LRP1B: variants seen among roughly 807,000 people sequenced by gnomAD.
LRP1B encodes low-density lipoprotein receptor-related protein 1B.
In LRP1B, 217 loss-of-function variants were observed where a neutral mutation model predicts 556.6. The observed-to-expected ratio is 0.39, with a 90% CI of 0.35 to 0.44. The LOEUF (loss-of-function observed/expected upper bound fraction) is 0.44. LRP1B is among the 20% of genes least tolerant of loss of function. The pLI is 1.00. For missense variants in LRP1B, 5,053 were observed against 5,620.8 expected, an observed-to-expected ratio of 0.90 and a Z score of 3.23; for synonymous variants, 2,047 against 1,865.8, an observed-to-expected ratio of 1.10 and a Z score of -2.50.
At chr2:140,464,045 A>T (rs193230882) in intron 60 of LRP1B, among the ~76,000 whole-genome samples, 1 of 151,900 alleles carries the variant, frequency 6.6e-6, no homozygotes, top group African/African-American at 2.4e-5. Flanking sequence ...AAAATACAAA[A>T]ATTAGCCAGG....
Position 140,923,009 on chromosome 2 carries a change from A to T in LRP1B, c.3275T>A (p.Ile1092Lys), listed in dbSNP as rs554321569. The T allele has an allele frequency of 1.2e-6, 2 of 1,613,142 alleles. No individual in the cohort carries two copies. The highest frequency in any genetic ancestry group is 1.7e-6 in the Non-Finnish European group (2 of 1,179,324). Residue 1092 changes from isoleucine (I) to lysine (K), a missense_variant, in exon 21 of 91, where the codon ATA becomes AAA. Physicochemically the swap from Ile to Lys is moderately radical, Grantham distance 102. Transcript: ENST00000389484. ...CTTGGTTTTGTGGTCACACAATCGT[A>T]TGGTACCATTGCAACCTTTTTCATC... ...GSDEKGCNGT[I>K]RLCDHKTKFS...
At chr2:140,763,497 A>G (rs1019683386) in intron 35 of LRP1B, among the ~76,000 whole-genome samples, 1 of 152,132 alleles carries the variant, frequency 6.6e-6, no homozygotes, top group Non-Finnish European at 1.5e-5. Flanking sequence ...GAGTGCCTGA[A>G]GTTTCATGAG....
At chr2:140,627,259 G>C (rs1387804247) in intron 41 of LRP1B, among the ~76,000 whole-genome samples, 3 of 152,116 alleles carry the variant, frequency 2.0e-5, no homozygotes, top group African/African-American at 7.2e-5. Flanking sequence ...ATGTGTCTGC[G>C]AGGGTGTTGA....
In LRP1B at chr2:141,519,679, A is replaced by C. The variant is rs1684464858; in HGVS notation, c.206-39146T>G. ...GGAAAATCTTGAAAGCCAATGGCAA[A>C]TTTGGCTACAGATTTCTATATATAT... On this transcript the variant is annotated intron_variant, in intron 2 of 90. Transcript: ENST00000389484. 2.0e-5 allele frequency among the ~76,000 whole-genome samples: 3 copies of C among 150,910 alleles called. No individual in the cohort carries two copies. In the South Asian group the frequency reaches 6.3e-4, roughly 32 times the overall value.
At chr2:141,450,587 T>C (rs928753244) in intron 3 of LRP1B, among the ~76,000 whole-genome samples, 101 of 151,160 alleles carry the variant, frequency 6.7e-4, no homozygotes, top group African/African-American at 2.3e-3. Flanking sequence ...AAAAAAAATA[T>C]ATATATATAA....
chr2:140,891,764 C>T (rs1428662810), intron 23 of LRP1B, among the ~76,000 whole-genome samples: 1 of 152,144 alleles, frequency 6.6e-6, no homozygotes, highest in Non-Finnish European at 1.5e-5. Context: ...CCAGGGTGAA[C>T]TTTCAAGTAT....
At position 141,876,368 on chromosome 2, in the gene LRP1B, A is replaced by T. The variant is rs1385799012; in HGVS notation, c.83-65967T>A. Reference sequence around the variant, plus strand: ...GTGGTAGTGGAAAATAAAAACAGTAAATAAGACCAGGTAATTAGTCTAGGA... The same window carrying T: ...GTGGTAGTGGAAAATAAAAACAGTATATAAGACCAGGTAATTAGTCTAGGA... On this transcript the variant is annotated intron_variant, in intron 1 of 90. Transcript: ENST00000389484. Among the ~76,000 whole-genome samples the T allele has an allele frequency of 2.0e-5, 3 of 152,088 alleles. No homozygotes were observed. The East Asian group carries it at 5.8e-4, about 29-fold the overall frequency.
chr2:140,352,782 A>G (rs1682031194), intron 76 of LRP1B, among the ~76,000 whole-genome samples, 171 bp downstream of exon 76: 1 of 152,166 alleles, frequency 6.6e-6, no homozygotes, highest in Admixed American at 6.6e-5. Flanking sequence ...TCCATAAACC[A>G]TCTAAGATTA....
At chr2:141,079,346 G>T (rs558129204) in intron 7 of LRP1B, among the ~76,000 whole-genome samples, 2 of 152,270 alleles carry the variant, frequency 1.3e-5, no homozygotes, top group East Asian at 1.9e-4. Context: ...CTGAAGTACT[G>T]GGACCACTGA....
chr2:141,262,587 A>G (rs1349259045), intron 3 of LRP1B, among the ~76,000 whole-genome samples: 1 of 152,132 alleles, frequency 6.6e-6, no homozygotes, highest in Non-Finnish European at 1.5e-5. Context: ...TTTAATTTCC[A>G]TAAATGGTAA....
At chr2:140,473,198 A>G (rs1417315823) in intron 60 of LRP1B, among the ~76,000 whole-genome samples, 1 of 151,978 alleles carries the variant, frequency 6.6e-6, no homozygotes, top group Non-Finnish European at 1.5e-5. Flanking sequence ...ACTACCAGAT[A>G]ATTATTGGCC....
chr2:141,314,002 G>C (rs1686906322), intron 3 of LRP1B, among the ~76,000 whole-genome samples: 1 of 151,444 alleles, frequency 6.6e-6, no homozygotes, highest in South Asian at 2.1e-4. Flanking sequence ...TTAGATTCTT[G>C]GAAAATTTTT....
rs544600684 is a variant in LRP1B, at chr2:140,702,038, C to G, written c.6302+103G>C. ...GTGGAAATTACTGGCTTTGTGAGTT[C>G]CTTTTTGTGACCTTGCTAAGAAATG... is the stretch of plus-strand genomic sequence containing the variant. On this transcript the variant is annotated intron_variant, in intron 39 of 90. Coordinates refer to ENST00000389484, the MANE Select transcript of LRP1B (RefSeq NM_018557.3). 31 of 1,412,464 alleles carry G rather than the reference C, an allele frequency of 2.2e-5. No homozygotes were observed. The South Asian group carries it at 3.9e-4, about 18-fold the overall frequency. The allele number at this position is 1,412,464 out of a possible 1,614,324, so 87.5% of individuals were successfully genotyped here.
chr2:141,619,380 G>A (rs976973743), intron 2 of LRP1B, among the ~76,000 whole-genome samples: 5 of 152,038 alleles, frequency 3.3e-5, no homozygotes, highest in African/African-American at 7.2e-5. Context: ...GGACATTATT[G>A]GGCTTGATAA....
chr2:141,012,352 A>G (rs1269211254), intron 14 of LRP1B, among the ~76,000 whole-genome samples: 1 of 152,070 alleles, frequency 6.6e-6, no homozygotes, highest in Admixed American at 6.6e-5. Flanking sequence ...TACAATCCTG[A>G]AAAGCAGATC....
chr2:141,840,090 G>A (rs77491108), intron 1 of LRP1B, among the ~76,000 whole-genome samples: 1 of 151,904 alleles, frequency 6.6e-6, no homozygotes, highest in Non-Finnish European at 1.5e-5. Flanking sequence ...TATTTAATGA[G>A]TGAATACTTT....
intron 41 of LRP1B, among the ~76,000 whole-genome samples, chr2:140,611,916 T>C (rs1683085988): frequency 6.6e-6 from 1 of 152,116 alleles, no homozygotes; most frequent in African/African-American, 2.4e-5. Context: ...ATGCTCACCT[T>C]ATGAAAGATT....
intron 3 of LRP1B, among the ~76,000 whole-genome samples, chr2:141,360,036 G>C (rs1688766708): frequency 6.6e-6 from 1 of 152,086 alleles, no homozygotes; most frequent in Non-Finnish European, 1.5e-5. Context: ...TAAGTGTGTA[G>C]AAAATAATTT....
chr2:141,648,164 C>T (rs1181432580), intron 2 of LRP1B, among the ~76,000 whole-genome samples: 1 of 151,992 alleles, frequency 6.6e-6, no homozygotes, highest in Non-Finnish European at 1.5e-5. Flanking sequence ...TGTGAAGAAA[C>T]ATTCATATTG....
Sources: gnomAD v4.1 joint callset for allele counts (sites outside exome capture counted in the v4.1 genomes callset) on GRCh38, gnomAD v4.1.1 for gene constraint, MANE v1.5 for transcripts, NCBI Gene and HGNC (gene_info 2026-07-23, HGNC 2026-07-21) for gene names.